Variants in PLEKHH2 observed in about 807,000 individuals in gnomAD.
PLEKHH2 encodes the protein pleckstrin homology domain-containing family H member 2.
Under a neutral mutation model 187.9 loss-of-function variants are expected in PLEKHH2, and 129 were observed. The observed-to-expected ratio is 0.69, with a 90% CI of 0.59 to 0.79. PLEKHH2 has a LOEUF of 0.79. Among genes scored for constraint, PLEKHH2 ranks in the 30% least tolerant of loss-of-function variants. PLEKHH2 has a pLI of 0.00. For synonymous variants in PLEKHH2, 686 were observed against 605.6 expected, an observed-to-expected ratio of 1.13 and a Z score of -1.95; for missense variants, 2,076 against 1,751.2, an observed-to-expected ratio of 1.19 and a Z score of -3.31.
chr2:43,737,214 A>G (rs1671335678), intron 19 of PLEKHH2, among the ~76,000 whole-genome samples: 1 of 152,224 alleles, frequency 6.6e-6, no homozygotes, highest in African/African-American at 2.4e-5. Context: ...AAGCTAAAAA[A>G]TGTTTAAAGC....
At chr2:43,750,752 C>T (rs932857028) in intron 24 of PLEKHH2, among the ~76,000 whole-genome samples, 5 of 152,186 alleles carry the variant, frequency 3.3e-5, no homozygotes, top group African/African-American at 1.2e-4. Context: ...GGATTTTTGG[C>T]AAATAATTCC....
chr2:43,751,413 C>T (rs1175659473), intron 24 of PLEKHH2, among the ~76,000 whole-genome samples: 1 of 152,072 alleles, frequency 6.6e-6, no homozygotes, highest in Admixed American at 6.5e-5. Context: ...AGTAAGTTTA[C>T]AAGAGGATGG....
At chr2:43,738,557 A>C (rs1321590082) in intron 20 of PLEKHH2, 37 bp downstream of exon 20, 1 of 1,522,208 alleles carries the variant, frequency 6.6e-7, no homozygotes, top group African/African-American at 1.5e-5. Context: ...ATGCAATTTA[A>C]AGTGTTTTTT....
intron 6 of PLEKHH2, among the ~76,000 whole-genome samples, chr2:43,695,915 A>G (rs1240278140): frequency 2.0e-5 from 3 of 152,156 alleles, no homozygotes; most frequent in Non-Finnish European, 2.9e-5. Context: ...TGAACTTGGC[A>G]TTAATTGAGG....
intron 25 of PLEKHH2, among the ~76,000 whole-genome samples, chr2:43,755,474 G>C (rs1672180280): frequency 6.6e-6 from 1 of 152,120 alleles, no homozygotes; most frequent in African/African-American, 2.4e-5. Context: ...GCCTTTCTCT[G>C]GTCTGGTCCC....
chr2:43,689,027 A>G (rs747648399), intron 3 of PLEKHH2, among the ~76,000 whole-genome samples: 7 of 152,210 alleles, frequency 4.6e-5, no homozygotes, highest in Non-Finnish European at 1.0e-4. Context: ...GGCACTCACC[A>G]TAAGTCAGAC....
intron 8 of PLEKHH2, among the ~76,000 whole-genome samples, chr2:43,701,187 G>A (rs1669342327): frequency 6.6e-6 from 1 of 152,208 alleles, no homozygotes; most frequent in Non-Finnish European, 1.5e-5. Context: ...CTGTTCCCAG[G>A]AAGCCCTGGA....
intron 26 of PLEKHH2, 132 bp downstream of exon 26, chr2:43,757,396 C>G: frequency 1.6e-6 from 1 of 644,602 alleles, no homozygotes; most frequent in Non-Finnish European, 2.3e-6. Context: ...GATTGAGCCA[C>G]AGGAGATTAT....
intron 16 of PLEKHH2, among the ~76,000 whole-genome samples, chr2:43,723,182 T>A (rs982935763): frequency 3.9e-5 from 6 of 152,220 alleles, no homozygotes; most frequent in African/African-American, 1.4e-4. Context: ...TAATAGAATT[T>A]GTTTTCTTCA....
chr2:43,652,030 C>T, intron 2 of PLEKHH2, among the ~76,000 whole-genome samples: 1 of 152,136 alleles, frequency 6.6e-6, no homozygotes, highest in East Asian at 1.9e-4. Flanking sequence ...TATAAATGGT[C>T]AGTTGCTGGT....
chr2:43,694,467 G>A lies in PLEKHH2; in HGVS notation c.373G>A (p.Glu125Lys), dbSNP rs369455722. ...AATACAAGAAGCTAAAATAATAGAAGAGAAAGCAGCTAAGATAAAAGAATG... is the reference window on the plus strand; with the variant it reads ...AATACAAGAAGCTAAAATAATAGAAAAGAAAGCAGCTAAGATAAAAGAATG... ...IRIQEAKIIE[E>K]KAAKIKEWVT... Residue 125 changes from glutamate (E) to lysine (K), a missense_variant, in exon 5 of 30, where the codon GAG (glutamate) becomes AAG (lysine). Transcript: ENST00000282406. 3 of 1,561,806 alleles carry A rather than the reference G, an allele frequency of 1.9e-6. No individual in the cohort carries two copies. Among genetic ancestry groups the A allele is most frequent in the Non-Finnish European group, 2.6e-6 (3 of 1,146,566 alleles).
At position 43,703,976 on chromosome 2, in the gene PLEKHH2, C is replaced by T; in HGVS notation, c.1651-5C>T. Reference sequence around the variant, plus strand: ...ACCCTGTTCAAACTCTCTCTTTTACCCTAGGAAAGCAGAATTTATGCTGTA... The same window carrying T: ...ACCCTGTTCAAACTCTCTCTTTTACTCTAGGAAAGCAGAATTTATGCTGTA... On this transcript the variant is annotated splice_region_variant and splice_polypyrimidine_tract_variant and intron_variant, in intron 8 of 29. Transcript: ENST00000282406. 2 of 1,401,668 alleles carry T rather than the reference C, an allele frequency of 1.4e-6. No individual in the cohort carries two copies. Among genetic ancestry groups the T allele is most frequent in the South Asian group, 1.2e-5 (1 of 85,926 alleles). 86.8% of individuals were successfully genotyped at this position (1,401,668 alleles called of 1,614,324 possible). A position where few individuals can be genotyped will look rare whatever the true frequency, so the allele number is the denominator to read the frequency against.
intron 2 of PLEKHH2, among the ~76,000 whole-genome samples, chr2:43,659,897 A>T (rs1285732752): frequency 2.0e-5 from 3 of 152,116 alleles, no homozygotes; most frequent in African/African-American, 7.2e-5. Flanking sequence ...GGTCAAGTTA[A>T]TTGAGTACAT....
intron 2 of PLEKHH2, among the ~76,000 whole-genome samples, chr2:43,671,282 T>C (rs11889742): frequency 0.47 from 71,291 of 152,024 alleles, 17,292 homozygotes; most frequent in Non-Finnish European, 0.51. Flanking sequence ...CCACCACACC[T>C]GGCCATTTAT....
chr2:43,641,488 G>C (rs997154041), intron 1 of PLEKHH2, among the ~76,000 whole-genome samples: 1 of 115,648 alleles, frequency 8.6e-6, no homozygotes, highest in Non-Finnish European at 1.8e-5. Context: ...AGCATTATGA[G>C]ATTTGTTTTG....
chr2:43,669,223 A>G (rs942940642), intron 2 of PLEKHH2, among the ~76,000 whole-genome samples: 3 of 152,204 alleles, frequency 2.0e-5, no homozygotes, highest in African/African-American at 7.2e-5. Flanking sequence ...GAGGCTATGA[A>G]AAGATAGTAT....
chr2:43,717,304 G>C (rs1412026526), intron 15 of PLEKHH2, among the ~76,000 whole-genome samples: 1 of 152,128 alleles, frequency 6.6e-6, no homozygotes, highest in African/African-American at 2.4e-5. Flanking sequence ...TGTAATCCCA[G>C]CTATTCAGGA....
intron 7 of PLEKHH2, among the ~76,000 whole-genome samples, chr2:43,699,408 T>A (rs1048062770): frequency 4.6e-5 from 7 of 152,204 alleles, no homozygotes; most frequent in Non-Finnish European, 8.8e-5. Flanking sequence ...AGGCAGGGTC[T>A]TGCTCTGTCA....
At position 43,678,828 on chromosome 2, in the gene PLEKHH2, A is replaced by G. The variant is rs756354241; in HGVS notation, c.124-35A>G. The stretch of plus-strand genomic sequence containing the variant: ...TCAGAAAGGCTCATTTTTCAAAAAT[A>G]AATTTTTGTATTTATATTTTCCCTC... On this transcript the variant is annotated intron_variant, in intron 2 of 29. Coordinates refer to ENST00000282406, the MANE Select transcript of PLEKHH2 (RefSeq NM_172069.4). 10 of 1,503,552 alleles carry G rather than the reference A, an allele frequency of 6.7e-6. 1 individual carries two copies. Among genetic ancestry groups the G allele is most frequent in the Middle Eastern group, 2.2e-4 (1 of 4,478 alleles). The allele number at this position is 1,503,552 out of a possible 1,614,324, so 93.1% of individuals were successfully genotyped here.
Sources: gnomAD v4.1 joint callset for allele counts (sites outside exome capture counted in the v4.1 genomes callset) on GRCh38, gnomAD v4.1.1 for gene constraint, MANE v1.5 for transcripts, NCBI Gene and HGNC (gene_info 2026-07-23, HGNC 2026-07-21) for gene names.